Variants in ZAP70 observed in about 807,000 individuals in gnomAD.
The protein encoded by ZAP70 is tyrosine-protein kinase ZAP-70.
A neutral mutation model predicts 65.8 loss-of-function variants in ZAP70; 27 were observed. The observed-to-expected ratio is 0.41, with a 90% CI of 0.30 to 0.57. The LOEUF is 0.57. Among genes scored for constraint, ZAP70 ranks in the 20% least tolerant of loss-of-function variants. The pLI, the probability that ZAP70 is intolerant of heterozygous loss-of-function variation, is 0.28. For missense variants in ZAP70, 696 were observed against 870.5 expected, an observed-to-expected ratio of 0.80 and a Z score of 2.52; for synonymous variants, 363 against 360.8, an observed-to-expected ratio of 1.01 and a Z score of -0.07.
the ZAP70 span, among the ~76,000 whole-genome samples, chr2:97,753,291 C>T: frequency 6.6e-6 from 1 of 152,182 alleles, no homozygotes; most frequent in African/African-American, 2.4e-5. Context: ...TCTTCTCTTA[C>T]ACAAGGACCT....
chr2:97,745,037 ATTTGT>A, the ZAP70 span, among the ~76,000 whole-genome samples: 2 of 152,196 alleles, frequency 1.3e-5, no homozygotes, highest in Non-Finnish European at 2.9e-5. Flanking sequence ...TTTAATTTTT[ATTTGT>A]TTTATTGTTT....
intron 13 of ZAP70, 193 bp downstream of exon 13, chr2:97,738,300 G>A (rs1419224866): frequency 1.1e-5 from 7 of 644,668 alleles, no homozygotes; most frequent in South Asian, 1.1e-4. Flanking sequence ...TCCTGCTCCA[G>A]TGTGCCACAC....
chr2:97,724,998 G>T, intron 3 of ZAP70, 94 bp from the exon 4 acceptor site: 1 of 1,579,242 alleles, frequency 6.3e-7, no homozygotes, highest in South Asian at 1.1e-5. Flanking sequence ...GCCTGGGTGG[G>T]GTGGGGAGTC....
intron 2 of ZAP70, among the ~76,000 whole-genome samples, chr2:97,718,729 G>A (rs1039987865): frequency 1.3e-5 from 2 of 152,264 alleles, no homozygotes; most frequent in Middle Eastern, 3.4e-3. Context: ...CTGCACCTGC[G>A]GCCACGTGGG....
Position 97,737,494 on chromosome 2 carries a change from T to C in ZAP70, c.1311T>C (p.Asn437=). Residue 437 remains asparagine (N), a synonymous_variant, in exon 11 of 14, where the codon AAT becomes AAC. Transcript: ENST00000264972. This position sits in a 1 kb window ranked among gnomAD's most constrained non-coding sequence, Gnocchi z 5.0. ...CCAGGGAGGAGATCCCTGTGAGCAATGTGGCCGAGCTGCTGCACCAGGTGT... is the reference window on the plus strand; with the variant it reads ...CCAGGGAGGAGATCCCTGTGAGCAACGTGGCCGAGCTGCTGCACCAGGTGT... The part of the protein sequence containing the change: ...VGKREEIPVS[N]VAELLHQVSM... 1 of 1,614,058 alleles carries C rather than the reference T, an allele frequency of 6.2e-7. No individual in the cohort carries two copies. Among genetic ancestry groups the C allele is most frequent in the Non-Finnish European group, 8.5e-7 (1 of 1,179,952 alleles).
At chr2:97,753,757 C>T in the ZAP70 span, among the ~76,000 whole-genome samples, 18 of 152,152 alleles carry the variant, frequency 1.2e-4, no homozygotes, top group South Asian at 4.1e-4. Flanking sequence ...GGATCGCTTG[C>T]GCTCAGGAGT....
chr2:97,725,039 C>A, intron 3 of ZAP70, 53 bp from the exon 4 acceptor site: 1 of 1,608,998 alleles, frequency 6.2e-7, no homozygotes, highest in Non-Finnish European at 8.5e-7. Flanking sequence ...AAGGGGGTTC[C>A]TGTGGCGAGC....
At position 97,737,674 on chromosome 2, in the gene ZAP70, C is replaced by CT. The variant is rs1401569802; in HGVS notation, c.1482+10dup. Reference sequence around the variant, plus strand: ...ACGACAGCTACTACACTGTAAGCCTCTGCCCCTGTGATGCCCGACTGGATG... The same window carrying CT: ...ACGACAGCTACTACACTGTAAGCCTCTTGCCCCTGTGATGCCCGACTGGATG... On this transcript the variant is annotated intron_variant, in intron 11 of 13. Transcript: ENST00000264972. The surrounding 1 kb of genome is among the most constrained non-coding windows in gnomAD (Gnocchi z 5.0). The CT allele has an allele frequency of 6.2e-7, 1 of 1,614,128 alleles. No individual in the cohort carries two copies. Among genetic ancestry groups the CT allele is most frequent in the South Asian group, 1.1e-5 (1 of 91,090 alleles).
chr2:97,732,219 C>T (rs1677640296), intron 4 of ZAP70, among the ~76,000 whole-genome samples: 1 of 152,182 alleles, frequency 6.6e-6, no homozygotes, highest in Non-Finnish European at 1.5e-5. Context: ...TCGAGGGTCT[C>T]ATTCTAGGAA....
chr2:97,734,749 C>T, intron 9 of ZAP70, 37 bp downstream of exon 9: 1 of 1,610,230 alleles, frequency 6.2e-7, no homozygotes. Context: ...GCACCGCCGC[C>T]TGGGGCAGAG....
chr2:97,737,348 C>A lies in ZAP70; in HGVS notation c.1290-125C>A. ...CCCCACGCCTGGCACACAGCAGGTG[C>A]TCAATAAGCGTTTTTGAACACATGG... On this transcript the variant is annotated intron_variant, in intron 10 of 13. Coordinates refer to ENST00000264972, the MANE Select transcript of ZAP70 (RefSeq NM_001079.4). The surrounding 1 kb of genome is among the most constrained non-coding windows in gnomAD (Gnocchi z 5.0). 1.0e-6 allele frequency: 1 copy of A among 983,248 alleles called. No homozygotes were observed. Among genetic ancestry groups the A allele is most frequent in the Non-Finnish European group, 1.6e-6 (1 of 632,712 alleles). 60.9% of individuals were successfully genotyped at this position (983,248 alleles called of 1,614,324 possible). A position where few individuals can be genotyped will look rare whatever the true frequency, so the allele number is the denominator to read the frequency against.
At position 97,733,299 on chromosome 2, in the gene ZAP70, G is replaced by A. The variant is rs779887992; in HGVS notation, c.793G>A (p.Ala265Thr). The A allele has an allele frequency of 1.2e-6, 2 of 1,603,372 alleles. No homozygotes were observed. The highest frequency in any genetic ancestry group is 1.1e-5 in the South Asian group (1 of 89,686). The change falls in exon 7 of 14, where the codon GCT becomes ACT. Residue 265 changes from alanine (A) to threonine (T), a missense_variant and splice_region_variant. Transcript: ENST00000264972. The stretch of plus-strand genomic sequence containing the variant: ...CACTGTCCCTTCTGCTCCCCCAGGG[G>A]CTGCTGCTCCCACACTCCCAGCCCA... ...PNSSASNASG[A>T]AAPTLPAHPS...
intron 2 of ZAP70, among the ~76,000 whole-genome samples, chr2:97,720,968 C>A (rs896809831): frequency 6.6e-6 from 1 of 152,178 alleles, no homozygotes; most frequent in Non-Finnish European, 1.5e-5. Context: ...TTCATTTTAC[C>A]CCTTGGTTGC....
chr2:97,735,142 T>C, intron 9 of ZAP70, 108 bp from the exon 10 acceptor site: 1 of 1,401,440 alleles, frequency 7.1e-7, no homozygotes, highest in Non-Finnish European at 9.9e-7. Flanking sequence ...GCGACTACAG[T>C]TGTCTACCAC....
At chr2:97,755,301 T>A in the ZAP70 span, among the ~76,000 whole-genome samples, 5 of 151,844 alleles carry the variant, frequency 3.3e-5, no homozygotes, top group Non-Finnish European at 7.4e-5. Context: ...AGAAAAAAAA[T>A]AAAATTTAGA....
Position 97,737,509 on chromosome 2 carries a change from G to T in ZAP70, c.1326G>T (p.Leu442=). ...EIPVSNVAEL[L]HQVSMGMKYL... ...CTGTGAGCAATGTGGCCGAGCTGCT[G>T]CACCAGGTGTCCATGGGGATGAAGT... The change falls in exon 11 of 14, where the codon CTG becomes CTT. Residue 442 remains leucine (L), a synonymous_variant. Transcript: ENST00000264972. This position sits in a 1 kb window ranked among gnomAD's most constrained non-coding sequence, Gnocchi z 5.0. The T allele has an allele frequency of 1.9e-6, 3 of 1,614,134 alleles. No homozygotes were observed. Among genetic ancestry groups the T allele is most frequent in the Non-Finnish European group, 2.5e-6 (3 of 1,179,976 alleles).
intron 8 of ZAP70, chr2:97,734,148 C>T (rs186782381): frequency 2.3e-5 from 7 of 308,798 alleles, no homozygotes; most frequent in Admixed American, 1.8e-4. Context: ...CCTAGAGGCT[C>T]GCTTTTGGAG....
intron 2 of ZAP70, 52 bp from the exon 3 acceptor site, chr2:97,723,964 C>T: frequency 6.5e-7 from 1 of 1,527,976 alleles, no homozygotes; most frequent in Non-Finnish European, 8.8e-7. Flanking sequence ...GGGCCCAACG[C>T]ACCAGGTTCA....
the ZAP70 span, among the ~76,000 whole-genome samples, chr2:97,745,318 C>T: frequency 6.6e-6 from 1 of 152,222 alleles, no homozygotes; most frequent in Non-Finnish European, 1.5e-5. Flanking sequence ...GGATTACAGG[C>T]ATGAGCCACT....
Sources: gnomAD v4.1 joint callset for allele counts (sites outside exome capture counted in the v4.1 genomes callset) on GRCh38, gnomAD v4.1.1 for gene constraint, Gnocchi (gnomAD v3.1) non-coding constraint, MANE v1.5 for transcripts, NCBI Gene and HGNC (gene_info 2026-07-23, HGNC 2026-07-21) for gene names.